Variants in DAB2 observed in about 807,000 individuals in gnomAD.
DAB2 encodes the protein disabled homolog 2.
DAB2 carries 28 observed loss-of-function variants against 71.6 expected under a neutral mutation model. That is an observed-to-expected ratio of 0.39 (90% confidence interval 0.29 to 0.54). The LOEUF (loss-of-function observed/expected upper bound fraction) is 0.54. Among genes scored for constraint, DAB2 ranks in the 20% least tolerant of loss-of-function variants. DAB2 has a pLI of 0.68. For synonymous variants in DAB2, 345 were observed against 339.7 expected, an observed-to-expected ratio of 1.02 and a Z score of -0.17; for missense variants, 867 against 928.8, an observed-to-expected ratio of 0.93 and a Z score of 0.86.
At chr5:39,395,089 A>G (rs1268618364) in intron 1 of DAB2, among the ~76,000 whole-genome samples, 1 of 152,158 alleles carries the variant, frequency 6.6e-6, no homozygotes, top group Admixed American at 6.5e-5. Context: ...ACCATACTCC[A>G]AACAGTCTGT....
At chr5:39,405,849 C>G (rs140342203) in intron 1 of DAB2, among the ~76,000 whole-genome samples, 208 of 152,234 alleles carry the variant, frequency 1.4e-3, no homozygotes, top group African/African-American at 4.8e-3. Context: ...AATGTCATCT[C>G]GAACCACCTC....
intron 1 of DAB2, chr5:39,423,706 CCTT>C (rs1339623411): frequency 1.2e-4 from 19 of 152,266 alleles, no homozygotes; most frequent in African/African-American, 4.6e-4. Flanking sequence ...TATCTTACCT[CCTT>C]CTCCCCCATG....
intron 14 of DAB2, 198 bp downstream of exon 14, chr5:39,374,816 T>C (rs887258413): frequency 1.9e-6 from 1 of 526,496 alleles, no homozygotes; most frequent in Non-Finnish European, 3.3e-6. Flanking sequence ...TATTTTTTGA[T>C]GTGTTTAGGA....
Position 39,383,066 on chromosome 5 carries a change from TC to T in DAB2, c.892del (p.Asp298IlefsTer34), listed in dbSNP as rs1201946668. 6.2e-7 allele frequency: 1 copy of T among 1,613,932 alleles called. No individual in the cohort carries two copies. Among genetic ancestry groups the T allele is most frequent in the Non-Finnish European group, 8.5e-7 (1 of 1,180,014 alleles). On this transcript the variant is annotated frameshift_variant, in exon 10 of 15. Coordinates refer to ENST00000320816, the MANE Select transcript of DAB2 (RefSeq NM_001343.4). LOFTEE classifies it high-confidence loss of function. ...CGATTGGTCTGGCTGTGTGAAAGGA[TC>T]GTCACGGAAAGGATCAGGATTAGGG... ...PTPNPDPFRD[D>X]PFTQPDQSTP...
rs150968168 is a variant in DAB2, at chr5:39,406,287, G to T, written c.-101-11866C>A. 6.6e-3 allele frequency among the ~76,000 whole-genome samples: 1,010 copies of T among 152,290 alleles called. 6 individuals are homozygous for T. Among genetic ancestry groups the T allele is most frequent in the African/African-American group, 0.023 (960 of 41,546 alleles). On this transcript the variant is annotated intron_variant, in intron 1 of 14. Transcript: ENST00000320816. ...CATGCCTTGGTGCAGTGGCTGGTGG[G>T]TGGCATGCATTATCACACTGAAAGA... is the stretch of plus-strand genomic sequence containing the variant.
At chr5:39,407,759 AC>A (rs1317562785) in intron 1 of DAB2, among the ~76,000 whole-genome samples, 1 of 152,208 alleles carries the variant, frequency 6.6e-6, no homozygotes, top group Non-Finnish European at 1.5e-5. Context: ...AAGTGCCATG[AC>A]AGTAGTCAGC....
chr5:39,410,968 A>G (rs556233913), intron 1 of DAB2, among the ~76,000 whole-genome samples: 4 of 152,200 alleles, frequency 2.6e-5, no homozygotes, highest in African/African-American at 9.6e-5. Flanking sequence ...CTTTAGGCAA[A>G]AGGTTGGTTA....
At chr5:39,398,988 A>C (rs1319217967) in intron 1 of DAB2, among the ~76,000 whole-genome samples, 3 of 152,150 alleles carry the variant, frequency 2.0e-5, no homozygotes. Flanking sequence ...AGTTGAATTT[A>C]AAAAAGGGAT....
At chr5:39,405,589 G>A (rs1456020342) in intron 1 of DAB2, among the ~76,000 whole-genome samples, 1 of 152,186 alleles carries the variant, frequency 6.6e-6, no homozygotes, top group Non-Finnish European at 1.5e-5. Context: ...ACAATGTTGT[G>A]GGCACAACTT....
At chr5:39,413,078 AG>A (rs1469373615) in intron 1 of DAB2, among the ~76,000 whole-genome samples, 1 of 152,100 alleles carries the variant, frequency 6.6e-6, no homozygotes, top group African/African-American at 2.4e-5. Flanking sequence ...GAGGACTTTC[AG>A]GTTTTGAGTG....
intron 4 of DAB2, among the ~76,000 whole-genome samples, chr5:39,391,190 AGGGGTG>A (rs1755218822): frequency 6.6e-6 from 1 of 152,196 alleles, no homozygotes; most frequent in Admixed American, 6.5e-5. Flanking sequence ...AGGAATTATA[AGGGGTG>A]GGGACTGTAT....
chr5:39,393,437 T>C, intron 2 of DAB2, 44 bp from the exon 3 acceptor site: 1 of 1,605,506 alleles, frequency 6.2e-7, no homozygotes, highest in South Asian at 1.1e-5. Context: ...CTAGTTCTAA[T>C]TATGACCAAA....
chr5:39,414,210 A>G (rs1755796416), intron 1 of DAB2, among the ~76,000 whole-genome samples: 1 of 152,032 alleles, frequency 6.6e-6, no homozygotes, highest in Non-Finnish European at 1.5e-5. Flanking sequence ...TGAGTTTGTG[A>G]CCTAATTTTA....
In DAB2 at chr5:39,404,423, AAT is replaced by A. The variant is rs1491575651; in HGVS notation, c.-101-10004_-101-10003del. ...AAAAAAGAAAAAGTAAAATTAAAAA[AAT>A]AAATAAATAAAAAATAAATGCATGT... On this transcript the variant is annotated intron_variant, in intron 1 of 14. Coordinates refer to ENST00000320816, the MANE Select transcript of DAB2 (RefSeq NM_001343.4). 8.4e-4 allele frequency among the ~76,000 whole-genome samples: 111 copies of A among 131,636 alleles called. 1 individual carries two copies. Among genetic ancestry groups the A allele is most frequent in the South Asian group, 3.5e-3 (14 of 4,050 alleles). The allele number at this position is 131,636 out of a possible 152,430, so 86.4% of individuals were successfully genotyped here. A position where few individuals can be genotyped will look rare whatever the true frequency, so the allele number is the denominator to read the frequency against.
chr5:39,377,168 A>G lies in DAB2; in HGVS notation c.1619T>C (p.Phe540Ser). 6.2e-7 allele frequency: 1 copy of G among 1,614,162 alleles called. No homozygotes were observed. Among genetic ancestry groups the G allele is most frequent in the South Asian group, 1.1e-5 (1 of 91,086 alleles). Residue 540 changes from phenylalanine (F) to serine (S), a missense_variant, in exon 12 of 15, where the codon TTT (phenylalanine) becomes TCT (serine). Transcript: ENST00000320816. ...GAMMGGQPSGFSQPVIFGTSP... is the reference protein window; with the variant it reads ...GAMMGGQPSGSSQPVIFGTSP... Reference sequence around the variant, plus strand: ...TGTACCAAAAATGACGGGCTGACTAAAACCTGAAGGTTGACCACCCATCAT... The same window carrying G: ...TGTACCAAAAATGACGGGCTGACTAGAACCTGAAGGTTGACCACCCATCAT...
chr5:39,372,144 T>C lies in DAB2; in HGVS notation c.*1287A>G, dbSNP rs1754714184. 1 of 152,146 alleles carries C rather than the reference T, an allele frequency of 6.6e-6. No homozygotes were observed. The highest frequency in any genetic ancestry group is 2.4e-5 in the African/African-American group (1 of 41,426). 9.4% of individuals were successfully genotyped at this position (152,146 alleles called of 1,614,324 possible). ...CATAAACAAAACAAAACAAAACTTA[T>C]TTTGACAATAATAAACCCTTCAGAA... On this transcript the variant is annotated 3_prime_UTR_variant, in exon 15 of 15. Transcript: ENST00000320816.
At chr5:39,385,095 A>C (rs1755069076) in intron 9 of DAB2, 1 of 152,128 alleles carries the variant, frequency 6.6e-6, no homozygotes, top group Non-Finnish European at 1.5e-5. Flanking sequence ...CTTTACTGTG[A>C]GGCATAAAAA....
chr5:39,398,267 A>T (rs565282594), intron 1 of DAB2, among the ~76,000 whole-genome samples: 456 of 152,314 alleles, frequency 3.0e-3, no homozygotes, highest in Admixed American at 5.3e-3. Context: ...GTAACACAAG[A>T]CGTAGCTGAA....
chr5:39,386,031 T>C (rs1361496794), intron 9 of DAB2, among the ~76,000 whole-genome samples: 2 of 152,218 alleles, frequency 1.3e-5, no homozygotes, highest in Non-Finnish European at 2.9e-5. Context: ...CTGCTTTGTA[T>C]CCTGATCCCA....
Sources: gnomAD v4.1 joint callset for allele counts (sites outside exome capture counted in the v4.1 genomes callset) on GRCh38, gnomAD v4.1.1 for gene constraint, MANE v1.5 for transcripts, NCBI Gene and HGNC (gene_info 2026-07-23, HGNC 2026-07-21) for gene names.